The following MCM6 variants were observed in gnomAD, a reference collection of about 807,000 sequenced individuals.
MCM6 encodes the protein DNA replication licensing factor MCM6.
Under a neutral mutation model 94.3 loss-of-function variants are expected in MCM6, and 46 were observed. The ratio of observed to expected loss-of-function variants is 0.49; its 90% confidence interval spans 0.39 to 0.62. The LOEUF (loss-of-function observed/expected upper bound fraction) is 0.62. Ranked by LOEUF, MCM6 falls within the 20% of genes least tolerant of loss-of-function variation. The pLI is 0.00. For missense variants in MCM6, 865 were observed against 1,017.9 expected, an observed-to-expected ratio of 0.85 and a Z score of 2.04; for synonymous variants, 335 against 351.9, an observed-to-expected ratio of 0.95 and a Z score of 0.54.
In MCM6 at chr2:135,867,369, T is replaced by TCC. The variant is rs527569087; in HGVS notation, c.616-643_616-642dup. On this transcript the variant is annotated intron_variant, in intron 4 of 16. Transcript: ENST00000264156. Reference sequence around the variant, plus strand: ...AAGAGTGTCCTTTATACAGTTGTGTTCCCCCCCCCAAACTAAGACCCAATC... The same window carrying TCC: ...AAGAGTGTCCTTTATACAGTTGTGTTCCCCCCCCCCCAAACTAAGACCCAATC... Among the ~76,000 whole-genome samples the TCC allele has an allele frequency of 7.3e-5, 11 of 150,236 alleles. No homozygotes were observed. The South Asian group carries it at 2.3e-3, about 32-fold the overall frequency.
Position 135,844,615 on chromosome 2 carries a change from A to G in MCM6, c.2279T>C (p.Ile760Thr). 1 of 1,587,472 alleles carries G rather than the reference A, an allele frequency of 6.3e-7. No individual in the cohort carries two copies. Among genetic ancestry groups the G allele is most frequent in the Non-Finnish European group, 8.6e-7 (1 of 1,168,242 alleles). ...NWYLKEIESE[I>T]DSEEELINKK... ...ATTTATAAGTTCTTCTTCAGAGTCTATCTCTGATTCGATTTCCTTCAAGTA... is the reference window on the plus strand; with the variant it reads ...ATTTATAAGTTCTTCTTCAGAGTCTGTCTCTGATTCGATTTCCTTCAAGTA... The change falls in exon 16 of 17, where the codon ATA becomes ACA. Residue 760 changes from isoleucine (I) to threonine (T), a missense_variant. Around this residue, in one of 3 missense-constraint regions of MCM6, gnomAD observed 308 missense variants for 324.5 expected, o/e 0.95. Transcript: ENST00000264156.
Position 135,866,078 on chromosome 2 carries a change from G to A in MCM6, c.927+54C>T, listed in dbSNP as rs1398999365. 9 of 1,600,478 alleles carry A rather than the reference G, an allele frequency of 5.6e-6. No homozygotes were observed. The East Asian group carries it at 1.8e-4, about 32-fold the overall frequency. On this transcript the variant is annotated intron_variant, in intron 6 of 16. Transcript: ENST00000264156. ...GACTTTGCCATTGCACTCCAGCCTG[G>A]GTGACAGAGAGAGACTGTTTCAAAA...
chr2:135,846,397 G>A lies in MCM6; in HGVS notation c.2054-5C>T, dbSNP rs1679671654. 6.2e-7 allele frequency: 1 copy of A among 1,613,616 alleles called. No homozygotes were observed. Among genetic ancestry groups the A allele is most frequent in the Admixed American group, 1.7e-5 (1 of 59,978 alleles). On this transcript the variant is annotated splice_polypyrimidine_tract_variant and splice_region_variant and intron_variant, in intron 14 of 16. Transcript: ENST00000264156. The stretch of plus-strand genomic sequence containing the variant: ...GAGCAGGGCTGTCAGCATGACCTAA[G>A]TGAAAAATTGACCACCTGAATCTTA...
chr2:135,843,504 G>A (rs1257186275), intron 16 of MCM6, among the ~76,000 whole-genome samples: 2 of 152,054 alleles, frequency 1.3e-5, no homozygotes, highest in Non-Finnish European at 2.9e-5. Context: ...AGGCCAAAGT[G>A]AGCGTATCGC....
intron 14 of MCM6, 112 bp from the exon 15 acceptor site, chr2:135,846,504 AATTATT>A (rs959524166): frequency 1.1e-4 from 95 of 843,352 alleles, no homozygotes; most frequent in Admixed American, 4.8e-4. Flanking sequence ...CACTTTTAAA[AATTATT>A]ATTATTATTT....
Position 135,868,825 on chromosome 2 carries a change from A to G in MCM6, c.401T>C (p.Leu134Pro). The G allele has an allele frequency of 1.2e-6, 2 of 1,614,144 alleles. No homozygotes were observed. Among genetic ancestry groups the G allele is most frequent in the African/African-American group, 1.3e-5 (1 of 75,052 alleles). ...CACCACCTGCCCACTGATGCGAGTG[A>G]GCAAACCAATTCTGGATGAGGTGAG... ...RELTSSRIGL[L>P]TRISGQVVRT... The change falls in exon 4 of 17, where the codon CTC becomes CCC. Residue 134 changes from leucine to proline, a missense_variant. Leu to Pro is a moderately conservative substitution (Grantham distance 98, BLOSUM62 -3). Coordinates refer to ENST00000264156, the MANE Select transcript of MCM6 (RefSeq NM_005915.6).
chr2:135,871,077 CAGG>C (rs946264731), intron 2 of MCM6, among the ~76,000 whole-genome samples: 9 of 152,204 alleles, frequency 5.9e-5, no homozygotes, highest in African/African-American at 1.4e-4. Flanking sequence ...TGGATGAGGA[CAGG>C]AGAAGTATTT....
intron 16 of MCM6, among the ~76,000 whole-genome samples, chr2:135,843,937 C>A (rs1322676824): frequency 6.6e-6 from 1 of 151,698 alleles, no homozygotes; most frequent in Non-Finnish European, 1.5e-5. Flanking sequence ...ATGTGATGGG[C>A]CTGTGAGAGA....
chr2:135,852,969 C>T, intron 11 of MCM6, 54 bp from the exon 12 acceptor site: 1 of 1,471,986 alleles, frequency 6.8e-7, no homozygotes, highest in South Asian at 1.3e-5. Flanking sequence ...CTTCTCCAGA[C>T]TATCCCAGGC....
intron 7 of MCM6, among the ~76,000 whole-genome samples, chr2:135,864,588 T>C (rs1401717935): frequency 1.3e-5 from 2 of 152,150 alleles, no homozygotes; most frequent in Non-Finnish European, 2.9e-5. Flanking sequence ...GGAAATAAGA[T>C]GACAAAATAA....
rs3087343 is a variant in MCM6, at chr2:135,864,973, T to G, written c.1078+40A>C. 0.15 allele frequency: 194,291 copies of G among 1,320,232 alleles called. 17,946 individuals carry two copies. Among genetic ancestry groups the G allele is most frequent in the Middle Eastern group, 0.36 (1,820 of 5,006 alleles). The allele number at this position is 1,320,232 out of a possible 1,614,324, so 81.8% of individuals were successfully genotyped here. On this transcript the variant is annotated intron_variant, in intron 7 of 16. Transcript: ENST00000264156. ...CCTGTGGCTGTTTATAATCATTATTTTGATTTCAAGTTTATGGTACAAATG... is the reference window on the plus strand; with the variant it reads ...CCTGTGGCTGTTTATAATCATTATTGTGATTTCAAGTTTATGGTACAAATG...
rs3087354 is a variant in MCM6 at position 135,866,097 on chromosome 2, T to C, written c.927+35A>G. 2,472 of 1,611,608 alleles carry C rather than the reference T, an allele frequency of 1.5e-3. 50 individuals are homozygous for C. In the African/African-American group the frequency reaches 0.03, roughly 20 times the overall value. On this transcript the variant is annotated intron_variant, in intron 6 of 16. Transcript: ENST00000264156. ...AGCCTGGGTGACAGAGAGAGACTGT[T>C]TCAAAAACAAACAAAAACCCCCAAA...
At chr2:135,852,671 A>T in intron 12 of MCM6, 116 bp downstream of exon 12, 1 of 758,064 alleles carries the variant, frequency 1.3e-6, no homozygotes, top group Non-Finnish European at 1.9e-6. Context: ...AAAAAGTTGT[A>T]AAATTTAGGA....
At chr2:135,851,350 T>C (rs1679777590) in intron 13 of MCM6, 52 bp downstream of exon 13, 2 of 1,446,600 alleles carry the variant, frequency 1.4e-6, no homozygotes, top group Non-Finnish European at 1.9e-6. Flanking sequence ...ATTAAAAACA[T>C]GCAACAAATC....
intron 2 of MCM6, among the ~76,000 whole-genome samples, chr2:135,871,518 G>A (rs1300037789): frequency 2.0e-5 from 3 of 152,122 alleles, no homozygotes; most frequent in Non-Finnish European, 4.4e-5. Context: ...TTTCACAACT[G>A]TCCACAATTT....
intron 11 of MCM6, among the ~76,000 whole-genome samples, chr2:135,854,458 A>G (rs188274142): frequency 9.6e-4 from 124 of 129,122 alleles, no homozygotes; most frequent in African/African-American, 3.4e-3. Flanking sequence ...TGAACCTGAG[A>G]GGCGGAGGTT....
chr2:135,852,952 GCAATATCTTC>G, intron 11 of MCM6, 37 bp from the exon 12 acceptor site: 1 of 1,556,092 alleles, frequency 6.4e-7, no homozygotes, highest in Non-Finnish European at 8.7e-7. Context: ...GATAGTCACA[GCAATATCTTC>G]TCCAGACTAT....
At chr2:135,846,500 T>A in intron 14 of MCM6, 108 bp from the exon 15 acceptor site, 1 of 860,358 alleles carries the variant, frequency 1.2e-6, no homozygotes, top group Non-Finnish European at 1.8e-6. Context: ...TTTTCACTTT[T>A]AAAAATTATT....
At chr2:135,872,187 T>C (rs1278618447) in intron 2 of MCM6, among the ~76,000 whole-genome samples, 2 of 152,196 alleles carry the variant, frequency 1.3e-5, no homozygotes, top group Non-Finnish European at 2.9e-5. Context: ...GGCTCACGCC[T>C]GTAATCCCAG....
Sources: gnomAD v4.1 joint callset for allele counts (sites outside exome capture counted in the v4.1 genomes callset) on GRCh38, gnomAD v4.1.1 for gene constraint, gnomAD v4.1.1 regional missense constraint, MANE v1.5 for transcripts, NCBI Gene and HGNC (gene_info 2026-07-23, HGNC 2026-07-21) for gene names.